The following BEND7 variants were observed in gnomAD, a reference collection of about 807,000 sequenced individuals.
BEND7 encodes BEN domain containing 7.
BEND7 carries 28 observed loss-of-function variants against 50.9 expected under a neutral mutation model. The ratio of observed to expected loss-of-function variants is 0.55; its 90% confidence interval spans 0.41 to 0.75. The LOEUF (loss-of-function observed/expected upper bound fraction) is 0.75, where lower values mean the gene tolerates loss of function less well. Ranked by LOEUF, BEND7 falls within the 30% of genes least tolerant of loss-of-function variation. The pLI is 0.00. For synonymous variants in BEND7, 170 were observed against 183.9 expected (o/e 0.92, Z 0.61); for missense variants, 477 against 491.3 (o/e 0.97, Z 0.28).
Position 13,491,720 on chromosome 10 carries a change from C to T in BEND7, c.837+891G>A, listed in dbSNP as rs180936953. On this transcript the variant is annotated intron_variant, in intron 5 of 8. Transcript: ENST00000466271. ...CTAGCAAACTGTCTTCCCACAATTT[C>T]TTTCAAAATTTTTAAAACTTTTTTA... 4.2e-4 allele frequency among the ~76,000 whole-genome samples: 64 copies of T among 152,168 alleles called. No homozygotes were observed. In the East Asian group the frequency reaches 0.011, roughly 27 times the overall value.
intron 2 of BEND7, among the ~76,000 whole-genome samples, chr10:13,523,218 T>C (rs1027403708): frequency 6.6e-6 from 1 of 152,228 alleles, no homozygotes. Flanking sequence ...ATCTTCACTG[T>C]AGTCCCATCA....
chr10:13,457,423 A>C (rs757978755), intron 6 of BEND7, among the ~76,000 whole-genome samples: 2 of 152,226 alleles, frequency 1.3e-5, no homozygotes, highest in African/African-American at 2.4e-5. Flanking sequence ...ATTTGGTTTC[A>C]ATAGAAAGAA....
At chr10:13,462,860 A>G (rs889512550) in intron 6 of BEND7, among the ~76,000 whole-genome samples, 1 of 152,230 alleles carries the variant, frequency 6.6e-6, no homozygotes, top group African/African-American at 2.4e-5. Context: ...TAAAGAAACC[A>G]AAGAACACCA....
At chr10:13,473,199 G>A (rs558122914) in intron 6 of BEND7, among the ~76,000 whole-genome samples, 59 of 151,684 alleles carry the variant, frequency 3.9e-4, no homozygotes, top group African/African-American at 1.1e-3. Context: ...TGTTAGACTC[G>A]GGGCCAATAC....
At chr10:13,448,260 G>A (rs1336994969) in intron 7 of BEND7, among the ~76,000 whole-genome samples, 3 of 152,090 alleles carry the variant, frequency 2.0e-5, no homozygotes, top group Non-Finnish European at 4.4e-5. Flanking sequence ...ACAAGGGATG[G>A]GCTTGTTAGT....
At chr10:13,464,655 T>C (rs953920591) in intron 6 of BEND7, among the ~76,000 whole-genome samples, 21 of 152,160 alleles carry the variant, frequency 1.4e-4, no homozygotes, top group African/African-American at 5.1e-4. Context: ...AGAAAACAAA[T>C]TCTTGGCAAA....
At chr10:13,520,632 A>C (rs1343885321) in intron 2 of BEND7, among the ~76,000 whole-genome samples, 3 of 152,150 alleles carry the variant, frequency 2.0e-5, no homozygotes, top group Non-Finnish European at 4.4e-5. Flanking sequence ...TCAGAAGTGG[A>C]TGTCAGGAGA....
At chr10:13,439,301 G>A, downstream of BEND7, 3 of 1,614,196 alleles carry the variant, frequency 1.9e-6, no homozygotes, top group South Asian at 1.1e-5. Context: ...GGTGCTTGAA[G>A]TCTTGGCTGG....
In BEND7 at chr10:13,480,996, G is replaced by C; in HGVS notation, c.966C>G (p.Asp322Glu). 6.2e-7 allele frequency: 1 copy of C among 1,614,112 alleles called. No homozygotes were observed. The highest frequency in any genetic ancestry group is 8.5e-7 in the Non-Finnish European group (1 of 1,180,016). The stretch of plus-strand genomic sequence containing the variant: ...TGGGTAAGGAGTTAGCCAAAGTCTT[G>C]TCATCAAAAAACGCACACACCAGTT... ...FRKLVCAFFD[D>E]KTLANSLPNG... Residue 322 changes from aspartate (D) to glutamate (E), a missense_variant, in exon 6 of 9, where the codon GAC becomes GAG. By Grantham distance (45) the Asp-to-Glu change is conservative (BLOSUM62 2). Transcript: ENST00000466271.
intron 2 of BEND7, among the ~76,000 whole-genome samples, chr10:13,510,936 G>C (rs1227770303): frequency 7.2e-5 from 11 of 151,990 alleles, no homozygotes; most frequent in Admixed American, 6.5e-4. Flanking sequence ...CCAGCACTTT[G>C]GGAGGCTGAG....
intron 5 of BEND7, among the ~76,000 whole-genome samples, chr10:13,486,383 A>G (rs1333883677): frequency 2.0e-5 from 3 of 152,218 alleles, no homozygotes; most frequent in Non-Finnish European, 2.9e-5. Flanking sequence ...GGTAGCCACA[A>G]GAGCATGTGG....
chr10:13,481,086 C>G lies in BEND7; in HGVS notation c.876G>C (p.Met292Ile), dbSNP rs560584324. The G allele has an allele frequency of 5.6e-6, 9 of 1,614,102 alleles. No homozygotes were observed. Among genetic ancestry groups the G allele is most frequent in the Non-Finnish European group, 5.1e-6 (6 of 1,179,998 alleles). The change falls in exon 6 of 9, where the codon ATG becomes ATC. Residue 292 changes from methionine (M) to isoleucine (I), a missense_variant. Coordinates refer to ENST00000466271, the MANE Select transcript of BEND7 (RefSeq NM_001369863.1). ...ATATAGAGTCCAGCTGAGATTTAGG[C>G]ATAAACACGTCAAAGCCTTCAGCAA... ...VQLAEGFDVF[M>I]PKSQLDSILS...
chr10:13,439,335 GCT>G (rs777237877), downstream of BEND7: 10 of 1,614,044 alleles, frequency 6.2e-6, no homozygotes, highest in Admixed American at 1.0e-4. Flanking sequence ...TCCTGTTTCA[GCT>G]CTGTCTCTGG....
At chr10:13,491,262 G>C (rs1223261353) in intron 5 of BEND7, among the ~76,000 whole-genome samples, 2 of 149,280 alleles carry the variant, frequency 1.3e-5, no homozygotes, top group Non-Finnish European at 3.0e-5. Context: ...GCAGTGAGTG[G>C]AGATCATGCC....
At chr10:13,488,086 C>CAAAAAAAA (rs753018197) in intron 5 of BEND7, among the ~76,000 whole-genome samples, 3 of 68,514 alleles carry the variant, frequency 4.4e-5, no homozygotes, top group African/African-American at 4.1e-5. Context: ...GTCTCAATTA[C>CAAAAAAAA]AAAAAAAAAA....
Position 13,490,812 on chromosome 10 carries a change from G to GT in BEND7, c.837+1798dup, listed in dbSNP as rs542895504. 1.1e-3 allele frequency among the ~76,000 whole-genome samples: 173 copies of GT among 150,624 alleles called. 3 individuals carry two copies. The South Asian group carries it at 0.021, about 18-fold the overall frequency. On this transcript the variant is annotated intron_variant, in intron 5 of 8. Transcript: ENST00000466271. ...CCTATGATTTTGTTTTTTTGTTTTT[G>GT]TTTTTTTTTGAGACGGAATCTCCCT... is the stretch of plus-strand genomic sequence containing the variant.
rs543007898 is a variant in BEND7 at position 13,498,232 on chromosome 10, C to T, written c.449-1344G>A. ...CTGGGACTACATGCATGCGCTACCA[C>T]GCCCGGCTAATTTTTGTATTTTTTA... On this transcript the variant is annotated intron_variant, in intron 3 of 8. Coordinates refer to ENST00000466271, the MANE Select transcript of BEND7 (RefSeq NM_001369863.1). Among the ~76,000 whole-genome samples, 104 of 152,014 alleles carry T rather than the reference C, an allele frequency of 6.8e-4. 1 individual carries two copies. The highest frequency in any genetic ancestry group is 1.6e-3 in the Admixed American group (24 of 15,274).
chr10:13,489,692 T>C (rs4503423), intron 5 of BEND7, among the ~76,000 whole-genome samples: 30,829 of 152,052 alleles, frequency 0.2, 3,227 homozygotes, highest in African/African-American at 0.24. Context: ...CCAAACAGTA[T>C]AGAAGTTCTA....
chr10:13,514,839 C>T (rs2078546864), intron 2 of BEND7, among the ~76,000 whole-genome samples: 1 of 152,178 alleles, frequency 6.6e-6, no homozygotes, highest in African/African-American at 2.4e-5. Context: ...TTTTGCATCT[C>T]CTGACTTTTT....
Sources: allele counts gnomAD v4.1 joint callset (sites outside exome capture counted in the v4.1 genomes callset), GRCh38; gene constraint gnomAD v4.1.1; transcripts MANE v1.5; gene names NCBI Gene and HGNC (gene_info 2026-07-23, HGNC 2026-07-21).